The following ROBO2 variants were observed in gnomAD, a reference collection of about 807,000 sequenced individuals.
The protein encoded by ROBO2 is roundabout homolog 2.
A neutral mutation model predicts 160.8 loss-of-function variants in ROBO2; 53 were observed. That is an observed-to-expected ratio of 0.33 (90% confidence interval 0.26 to 0.41). The LOEUF (loss-of-function observed/expected upper bound fraction) is 0.41, where lower values mean the gene tolerates loss of function less well. ROBO2 is among the 10% of genes least tolerant of loss of function. ROBO2 has a pLI of 1.00. For missense variants in ROBO2, 1,577 were observed against 1,722.4 expected, an observed-to-expected ratio of 0.92 and a Z score of 1.49; for synonymous variants, 664 against 611.7, an observed-to-expected ratio of 1.09 and a Z score of -1.26.
At chr3:76,082,274 C>A in intron 2 of ROBO2, among the ~76,000 whole-genome samples, 1 of 151,968 alleles carries the variant, frequency 6.6e-6, no homozygotes, top group South Asian at 2.1e-4. Flanking sequence ...TAAGATGAGT[C>A]CTTAAGGGTT....
At chr3:76,926,112 G>A (rs1422130709) in intron 2 of ROBO2, among the ~76,000 whole-genome samples, 2 of 152,060 alleles carry the variant, frequency 1.3e-5, no homozygotes, top group South Asian at 4.1e-4. Flanking sequence ...AAACTTCTTT[G>A]CCCTCCTCAG....
chr3:76,113,288 A>G (rs971722163), intron 2 of ROBO2, among the ~76,000 whole-genome samples: 1 of 152,126 alleles, frequency 6.6e-6, no homozygotes, highest in African/African-American at 2.4e-5. Context: ...GGGCCTCCCA[A>G]TTATTTCTAA....
chr3:76,291,328 T>C (rs1458789093), intron 2 of ROBO2, among the ~76,000 whole-genome samples: 1 of 152,204 alleles, frequency 6.6e-6, no homozygotes, highest in Non-Finnish European at 1.5e-5. Context: ...CTAGTTTATG[T>C]GCATAGAGGT....
chr3:76,079,583 A>G (rs1348480210), intron 2 of ROBO2, among the ~76,000 whole-genome samples: 2 of 150,786 alleles, frequency 1.3e-5, no homozygotes, highest in Non-Finnish European at 2.9e-5. Context: ...TCCCGGGTTC[A>G]AGCAATTCTC....
intron 2 of ROBO2, among the ~76,000 whole-genome samples, chr3:76,252,894 C>T (rs1706124789): frequency 6.6e-6 from 1 of 151,704 alleles, no homozygotes; most frequent in East Asian, 1.9e-4. Context: ...GCTGGAAACT[C>T]GGGCAGCAGT....
At chr3:76,138,222 A>G (rs1167581035) in intron 2 of ROBO2, among the ~76,000 whole-genome samples, 8 of 152,022 alleles carry the variant, frequency 5.3e-5, no homozygotes, top group Non-Finnish European at 8.8e-5. Context: ...TGAGACAAAT[A>G]GTAATAGAGA....
At chr3:76,601,298 C>T (rs1310023336) in intron 2 of ROBO2, among the ~76,000 whole-genome samples, 1 of 152,204 alleles carries the variant, frequency 6.6e-6, no homozygotes, top group African/African-American at 2.4e-5. Flanking sequence ...CCTCTTCTCA[C>T]AGGTCCACTA....
intron 2 of ROBO2, among the ~76,000 whole-genome samples, chr3:75,949,398 A>C (rs541919568): frequency 6.6e-6 from 1 of 152,190 alleles, no homozygotes; most frequent in Admixed American, 6.6e-5. Flanking sequence ...TCTCAGAGGA[A>C]TTTTGTGTGT....
intron 2 of ROBO2, among the ~76,000 whole-genome samples, chr3:76,735,616 T>C (rs1484068716): frequency 6.6e-6 from 1 of 151,556 alleles, no homozygotes; most frequent in Non-Finnish European, 1.5e-5. Flanking sequence ...ACAAAACTTA[T>C]CTGGCCATAG....
At chr3:76,316,546 C>G (rs980709594) in intron 2 of ROBO2, among the ~76,000 whole-genome samples, 4 of 152,100 alleles carry the variant, frequency 2.6e-5, no homozygotes. Context: ...TCAAGGTGCA[C>G]TGATATCATA....
intron 2 of ROBO2, among the ~76,000 whole-genome samples, chr3:75,979,985 C>A (rs191418556): frequency 6.6e-6 from 1 of 151,566 alleles, no homozygotes; most frequent in African/African-American, 2.4e-5. Flanking sequence ...GAATTATATG[C>A]ATCATACAAA....
At chr3:75,914,913 C>T (rs565307991) in intron 1 of ROBO2, among the ~76,000 whole-genome samples, 1 of 152,324 alleles carries the variant, frequency 6.6e-6, no homozygotes, top group African/African-American at 2.4e-5. Context: ...GCTGCGTGTA[C>T]ATGTGGCCCT....
chr3:75,948,962 A>T (rs1948434195), intron 2 of ROBO2, among the ~76,000 whole-genome samples: 1 of 152,090 alleles, frequency 6.6e-6, no homozygotes, highest in East Asian at 1.9e-4. Context: ...TTTGTTATTG[A>T]AATGATTACT....
Position 76,261,202 on chromosome 3 carries a change from G to GTATA in ROBO2, c.109+323611_109+323614dup, listed in dbSNP as rs796253150. 1.2e-4 allele frequency among the ~76,000 whole-genome samples: 8 copies of GTATA among 67,218 alleles called. No homozygotes were observed. In the South Asian group the frequency reaches 1.8e-3, roughly 15 times the overall value. The allele number at this position is 67,218 out of a possible 152,430, so 44.1% of individuals were successfully genotyped here. Reference sequence around the variant, plus strand: ...TGTGTGTGTGTGTGTGTGTGTGTGTGTATATATATATATAAATGACAGCTT... The same window carrying GTATA: ...TGTGTGTGTGTGTGTGTGTGTGTGTGTATATATATATATATATAAATGACAGCTT... On this transcript the variant is annotated intron_variant, in intron 2 of 26. Coordinates refer to the ROBO2 transcript ENST00000487694.
intron 2 of ROBO2, among the ~76,000 whole-genome samples, chr3:76,552,452 T>C (rs943482580): frequency 6.6e-6 from 1 of 152,206 alleles, no homozygotes; most frequent in African/African-American, 2.4e-5. Context: ...TTAGAAGAAG[T>C]AACCAGCTTC....
intron 2 of ROBO2, among the ~76,000 whole-genome samples, chr3:76,825,464 C>T (rs1249195141): frequency 4.0e-5 from 6 of 151,772 alleles, no homozygotes; most frequent in Non-Finnish European, 5.9e-5. Context: ...AATATGCAAA[C>T]TTCCCCTCCT....
At chr3:75,992,255 G>A (rs1482418167) in intron 2 of ROBO2, among the ~76,000 whole-genome samples, 1 of 152,100 alleles carries the variant, frequency 6.6e-6, no homozygotes. Flanking sequence ...CAGGCCCAGA[G>A]GTTTAGGAGA....
chr3:77,643,476 T>C (rs1246076390), intron 24 of ROBO2, among the ~76,000 whole-genome samples: 2 of 152,242 alleles, frequency 1.3e-5, no homozygotes, highest in Non-Finnish European at 2.9e-5. Flanking sequence ...AGTTGGTTGT[T>C]AATCTGTCTA....
intron 13 of ROBO2, among the ~76,000 whole-genome samples, chr3:77,572,493 G>A (rs773985273): frequency 1.7e-4 from 25 of 150,326 alleles, no homozygotes; most frequent in Non-Finnish European, 3.4e-4. Context: ...TTACACCTGG[G>A]CTCACTTTTT....
Sources: allele counts gnomAD v4.1 joint callset (sites outside exome capture counted in the v4.1 genomes callset), GRCh38; gene constraint gnomAD v4.1.1; transcripts MANE v1.5; gene names NCBI Gene and HGNC (gene_info 2026-07-23, HGNC 2026-07-21).